Variants in MYL12B observed in about 807,000 individuals in gnomAD.
The protein encoded by MYL12B is myosin regulatory light chain 12B.
MYL12B carries 3 observed loss-of-function variants against 12.9 expected under a neutral mutation model. The observed-to-expected ratio is 0.23, with a 90% CI of 0.11 to 0.60. MYL12B has a LOEUF of 0.60. MYL12B is among the 20% of genes least tolerant of loss of function. MYL12B has a pLI of 0.89. For synonymous variants in MYL12B, 57 were observed against 71.9 expected, an observed-to-expected ratio of 0.79 and a Z score of 1.05; for missense variants, 120 against 215.4, an observed-to-expected ratio of 0.56 and a Z score of 2.77.
intron 1 of MYL12B, among the ~76,000 whole-genome samples, chr18:3,266,923 C>T (rs1473468781): frequency 6.6e-6 from 1 of 152,178 alleles, no homozygotes; most frequent in Non-Finnish European, 1.5e-5. Flanking sequence ...AAATGACCAG[C>T]AGTCATACAA....
chr18:3,270,007 G>A (rs2081664688), intron 1 of MYL12B, among the ~76,000 whole-genome samples: 1 of 152,186 alleles, frequency 6.6e-6, no homozygotes, highest in African/African-American at 2.4e-5. Context: ...AAAGAAAAGA[G>A]GGATAAAATA....
At chr18:3,276,554 A>T in intron 2 of MYL12B, 1 of 985,356 alleles carries the variant, frequency 1.0e-6, no homozygotes, top group Non-Finnish European at 1.2e-6. Context: ...GATATCTAAC[A>T]TTGTTCAAAA....
In MYL12B at chr18:3,275,184, A is replaced by G. The variant is rs2081718908; in HGVS notation, c.185-2069A>G. Among the ~76,000 whole-genome samples the G allele has an allele frequency of 3.3e-5, 5 of 152,196 alleles. No individual in the cohort carries two copies. The South Asian group carries it at 1.0e-3, about 31-fold the overall frequency. On this transcript the variant is annotated intron_variant, in intron 2 of 3. Transcript: ENST00000237500. ...TGCAGCAACATGGATGGAATGGAAG[A>G]CATTATGTTAAGTGAAATAAGCCAG...
chr18:3,277,192 T>G, intron 2 of MYL12B, 61 bp from the exon 3 acceptor site: 1 of 1,421,930 alleles, frequency 7.0e-7, no homozygotes, highest in Non-Finnish European at 9.4e-7. Flanking sequence ...ATAATAATAG[T>G]GAAATAACTA....
At chr18:3,277,065 TATA>T (rs2081738338) in intron 2 of MYL12B, 185 bp from the exon 3 acceptor site, 3 of 943,240 alleles carry the variant, frequency 3.2e-6, no homozygotes, top group Non-Finnish European at 3.8e-6. Context: ...AATACATTTT[TATA>T]ATGATGTATC....
intron 2 of MYL12B, among the ~76,000 whole-genome samples, chr18:3,273,287 G>T (rs1474155726): frequency 6.6e-6 from 1 of 152,120 alleles, no homozygotes; most frequent in Non-Finnish European, 1.5e-5. Flanking sequence ...CAGATGCTGT[G>T]CCCGGGTAGG....
intron 3 of MYL12B, 124 bp from the exon 4 acceptor site, chr18:3,277,641 A>T (rs1035933028): frequency 2.6e-5 from 34 of 1,324,678 alleles, no homozygotes; most frequent in Non-Finnish European, 2.9e-5. Context: ...TTAGTTCACT[A>T]ACTTACTTTG....
Position 3,272,881 on chromosome 18 carries a change from C to A in MYL12B, c.-15-3C>A. ...ACGTTTTTGTGTTTTTTTTTTAATCCAGAATTAAACAACCACCATGTCGAG... is the reference window on the plus strand; with the variant it reads ...ACGTTTTTGTGTTTTTTTTTTAATCAAGAATTAAACAACCACCATGTCGAG... On this transcript the variant is annotated splice_polypyrimidine_tract_variant and splice_region_variant and intron_variant, in intron 1 of 3. Transcript: ENST00000237500. 1.3e-6 allele frequency: 2 copies of A among 1,512,030 alleles called. No individual in the cohort carries two copies. Among genetic ancestry groups the A allele is most frequent in the Non-Finnish European group, 8.9e-7 (1 of 1,128,162 alleles). The allele number at this position is 1,512,030 out of a possible 1,614,324, so 93.7% of individuals were successfully genotyped here.
intron 1 of MYL12B, among the ~76,000 whole-genome samples, chr18:3,272,394 C>T (rs2081687715): frequency 6.6e-6 from 1 of 152,232 alleles, no homozygotes; most frequent in Non-Finnish European, 1.5e-5. Context: ...TTTGAGGAAG[C>T]CCTATGCCTT....
chr18:3,277,712 T>A, intron 3 of MYL12B, 53 bp from the exon 4 acceptor site: 1 of 1,560,066 alleles, frequency 6.4e-7, no homozygotes, highest in South Asian at 1.2e-5. Context: ...GAATGAACCA[T>A]CAAAGTGCCA....
intron 1 of MYL12B, chr18:3,271,945 C>T: frequency 2.1e-6 from 1 of 471,066 alleles, no homozygotes; most frequent in Non-Finnish European, 2.8e-6. Context: ...TGGCTCATGT[C>T]TGTAATCCCA....
intron 1 of MYL12B, among the ~76,000 whole-genome samples, chr18:3,269,117 G>A (rs1017158965): frequency 7.2e-5 from 11 of 152,194 alleles, no homozygotes; most frequent in African/African-American, 2.7e-4. Context: ...GGAATGGCTA[G>A]AGAGGAGGCT....
chr18:3,277,202 A>G lies in MYL12B; in HGVS notation c.185-51A>G, dbSNP rs775968092. 14 of 1,450,690 alleles carry G rather than the reference A, an allele frequency of 9.7e-6. No homozygotes were observed. The South Asian group carries it at 2.0e-4, about 20-fold the overall frequency. 89.9% of individuals were successfully genotyped at this position (1,450,690 alleles called of 1,614,324 possible). ...GGAGCATAATAATAGTGAAATAACT[A>G]TTGAAATTAAATGTTTTTGTCTTTA... On this transcript the variant is annotated intron_variant, in intron 2 of 3. Coordinates refer to ENST00000237500, the MANE Select transcript of MYL12B (RefSeq NM_033546.4).
intron 2 of MYL12B, chr18:3,276,583 C>T: frequency 1.0e-6 from 1 of 984,724 alleles, no homozygotes; most frequent in Non-Finnish European, 1.2e-6. Flanking sequence ...CAATTCAAAA[C>T]CATGCTAATA....
At chr18:3,270,256 T>C (rs1325058945) in intron 1 of MYL12B, among the ~76,000 whole-genome samples, 1 of 152,206 alleles carries the variant, frequency 6.6e-6, no homozygotes, top group East Asian at 1.9e-4. Flanking sequence ...TTTCAGCTGA[T>C]ACTGTATGTG....
chr18:3,265,230 TTAGG>T (rs2081626619), intron 1 of MYL12B, among the ~76,000 whole-genome samples: 1 of 152,206 alleles, frequency 6.6e-6, no homozygotes, highest in South Asian at 2.1e-4. Flanking sequence ...TTATATGTCA[TTAGG>T]TAGATGAGGT....
chr18:3,267,428 T>G (rs1165192014), intron 1 of MYL12B, among the ~76,000 whole-genome samples: 1 of 152,204 alleles, frequency 6.6e-6, no homozygotes, highest in Non-Finnish European at 1.5e-5. Context: ...GATGATGGTG[T>G]CCATGTTTCT....
At chr18:3,266,018 T>A (rs1008930889) in intron 1 of MYL12B, among the ~76,000 whole-genome samples, 1 of 152,206 alleles carries the variant, frequency 6.6e-6, no homozygotes, top group Non-Finnish European at 1.5e-5. Context: ...ATTGCCCTAT[T>A]TTAACATTAA....
intron 2 of MYL12B, among the ~76,000 whole-genome samples, chr18:3,274,237 A>G (rs2081709309): frequency 6.6e-6 from 1 of 152,212 alleles, no homozygotes; most frequent in South Asian, 2.1e-4. Context: ...AAATTGAGGA[A>G]TGTAGCCATC....
Sources: gnomAD v4.1 joint callset for allele counts (sites outside exome capture counted in the v4.1 genomes callset) on GRCh38, gnomAD v4.1.1 for gene constraint, MANE v1.5 for transcripts, NCBI Gene and HGNC (gene_info 2026-07-23, HGNC 2026-07-21) for gene names.